The following ERC2 variants were observed in gnomAD, a reference collection of about 807,000 sequenced individuals.
The protein encoded by ERC2 is ERC protein 2.
ERC2 carries 42 observed loss-of-function variants against 114.8 expected under a neutral mutation model. The ratio of observed to expected loss-of-function variants is 0.37; its 90% confidence interval spans 0.29 to 0.47. ERC2 has a LOEUF of 0.47. ERC2 is among the 20% of genes least tolerant of loss of function. The pLI is 0.99. For missense variants in ERC2, 939 were observed against 1,150.7 expected (o/e 0.82, Z 2.66); for synonymous variants, 454 against 425.5 (o/e 1.07, Z -0.82).
chr3:56,163,192 T>C (rs146412000), intron 4 of ERC2, among the ~76,000 whole-genome samples: 149 of 152,270 alleles, frequency 9.8e-4, no homozygotes, highest in African/African-American at 3.4e-3. Flanking sequence ...ATCTTCTTGG[T>C]ATTGATTTCT....
At chr3:55,926,529 C>T (rs72879185) in intron 13 of ERC2, among the ~76,000 whole-genome samples, 1,557 of 152,216 alleles carry the variant, frequency 0.01, 26 homozygotes, top group African/African-American at 0.035. Context: ...TCCTGGTCTT[C>T]CAGTTTCACC....
At chr3:56,234,477 C>T (rs2050816303) in intron 3 of ERC2, among the ~76,000 whole-genome samples, 1 of 152,124 alleles carries the variant, frequency 6.6e-6, no homozygotes, top group Non-Finnish European at 1.5e-5. Flanking sequence ...ATTAGATAAA[C>T]TATTACTAAA....
intron 7 of ERC2, among the ~76,000 whole-genome samples, chr3:56,037,655 C>G (rs1362783439): frequency 6.6e-6 from 1 of 152,094 alleles, no homozygotes; most frequent in Non-Finnish European, 1.5e-5. Context: ...GAGAACTTCC[C>G]CAGTCTAGAA....
intron 1 of ERC2, among the ~76,000 whole-genome samples, chr3:56,463,737 GC>G (rs1194014096): frequency 1.3e-5 from 2 of 152,108 alleles, no homozygotes; most frequent in East Asian, 3.9e-4. Context: ...ATCCATGTGT[GC>G]CCCTACATTT....
intron 16 of ERC2, among the ~76,000 whole-genome samples, chr3:55,685,787 C>T (rs748211602): frequency 5.3e-5 from 8 of 152,176 alleles, no homozygotes; most frequent in Non-Finnish European, 1.0e-4. Context: ...AAATAGGAGG[C>T]TTTCTCTAAA....
chr3:56,334,571 T>C (rs142891384), intron 2 of ERC2, among the ~76,000 whole-genome samples: 300 of 152,272 alleles, frequency 2.0e-3, no homozygotes, highest in African/African-American at 6.7e-3. Context: ...TAATATTAAA[T>C]TAGAATCATT....
intron 17 of ERC2, among the ~76,000 whole-genome samples, chr3:55,627,960 T>C (rs2059588471): frequency 6.6e-6 from 1 of 151,400 alleles, no homozygotes; most frequent in Non-Finnish European, 1.5e-5. Flanking sequence ...TTTTAGTGGT[T>C]ACTGATATAT....
intron 3 of ERC2, among the ~76,000 whole-genome samples, chr3:56,214,005 C>T (rs533432605): frequency 3.3e-5 from 5 of 152,288 alleles, no homozygotes; most frequent in East Asian, 1.9e-4. Flanking sequence ...CCCATCTGTA[C>T]GTCACCATCA....
At chr3:56,339,993 A>G (rs2058023030) in intron 2 of ERC2, among the ~76,000 whole-genome samples, 1 of 152,180 alleles carries the variant, frequency 6.6e-6, no homozygotes, top group South Asian at 2.1e-4. Context: ...AGTCAAAATC[A>G]CAACCCCAAG....
intron 3 of ERC2, among the ~76,000 whole-genome samples, chr3:56,288,743 T>A (rs543160521): frequency 6.6e-6 from 1 of 152,246 alleles, no homozygotes; most frequent in African/African-American, 2.4e-5. Flanking sequence ...CCATCCTGCA[T>A]GGAGTACTCG....
chr3:56,099,174 A>G (rs9883636), intron 6 of ERC2, among the ~76,000 whole-genome samples: 25,348 of 152,118 alleles, frequency 0.17, 2,273 homozygotes, highest in African/African-American at 0.22. Flanking sequence ...CAAGTGAAGG[A>G]GCCTCCTGAA....
At chr3:55,668,419 G>C (rs1032793362) in intron 17 of ERC2, among the ~76,000 whole-genome samples, 2 of 152,184 alleles carry the variant, frequency 1.3e-5, no homozygotes, top group Non-Finnish European at 2.9e-5. Context: ...GTGGGGCAGA[G>C]AAAGACTAAG....
chr3:55,574,422 T>C (rs1441839919), intron 17 of ERC2, among the ~76,000 whole-genome samples: 1 of 152,098 alleles, frequency 6.6e-6, no homozygotes, highest in Non-Finnish European at 1.5e-5. Context: ...AGAATGGACC[T>C]TCCTAGGAGG....
Position 56,033,985 on chromosome 3 carries a change from C to T in ERC2, c.1642-14954G>A, listed in dbSNP as rs556675703. 4.7e-4 allele frequency among the ~76,000 whole-genome samples: 72 copies of T among 152,082 alleles called. 1 individual carries two copies. The highest frequency in any genetic ancestry group is 1.4e-3 in the Admixed American group (22 of 15,262). ...TCAGGATAATCAGGATAATTTAATC[C>T]ATTTACTTTAAATGTAAATAAATTA... On this transcript the variant is annotated intron_variant, in intron 7 of 17. Coordinates refer to ENST00000288221, the MANE Select transcript of ERC2 (RefSeq NM_015576.3).
chr3:55,550,788 G>A (rs1288450798), intron 17 of ERC2, among the ~76,000 whole-genome samples: 7 of 152,110 alleles, frequency 4.6e-5, no homozygotes, highest in East Asian at 3.9e-4. Flanking sequence ...AGGCCAAGGC[G>A]GGCAGATCAC....
At chr3:55,810,792 C>T (rs2059692302) in intron 14 of ERC2, among the ~76,000 whole-genome samples, 2 of 152,142 alleles carry the variant, frequency 1.3e-5, no homozygotes, top group Non-Finnish European at 2.9e-5. Context: ...AAATGCATAT[C>T]TATATGATAC....
chr3:55,688,633 C>T (rs772607357), intron 16 of ERC2, among the ~76,000 whole-genome samples: 2 of 152,146 alleles, frequency 1.3e-5, no homozygotes, highest in Non-Finnish European at 2.9e-5. Context: ...AGTTGGGTCC[C>T]TCTGGCTCTT....
chr3:55,891,261 C>T (rs2063582674), intron 13 of ERC2, among the ~76,000 whole-genome samples: 1 of 152,028 alleles, frequency 6.6e-6, no homozygotes, highest in Admixed American at 6.6e-5. Flanking sequence ...ACCGTGGAAG[C>T]AAGTTTCAGA....
intron 3 of ERC2, among the ~76,000 whole-genome samples, chr3:56,279,488 A>T (rs565957062): frequency 6.6e-6 from 1 of 152,216 alleles, no homozygotes; most frequent in Non-Finnish European, 1.5e-5. Context: ...GGAGGAAGGA[A>T]GCCCCAGCAG....
Sources: allele counts gnomAD v4.1 joint callset (sites outside exome capture counted in the v4.1 genomes callset), GRCh38; gene constraint gnomAD v4.1.1; transcripts MANE v1.5; gene names NCBI Gene and HGNC (gene_info 2026-07-23, HGNC 2026-07-21).